The following FBXW10B variants were observed in gnomAD, a reference collection of about 807,000 sequenced individuals.
FBXW10B encodes the protein F-box and WD repeat domain containing protein 10B.
the FBXW10B span, among the ~76,000 whole-genome samples, chr17:15,591,864 T>A: frequency 6.6e-6 from 1 of 152,156 alleles, no homozygotes. Context: ...GCACACACTC[T>A]AGATGTAGAC....
chr17:15,577,885 T>C, the FBXW10B span, among the ~76,000 whole-genome samples: 1 of 151,632 alleles, frequency 6.6e-6, no homozygotes, highest in Non-Finnish European at 1.5e-5. Flanking sequence ...TGGGCAGCCA[T>C]GGCAGCAGCT....
chr17:15,614,292 C>T, the FBXW10B span, among the ~76,000 whole-genome samples: 1 of 152,130 alleles, frequency 6.6e-6, no homozygotes, highest in South Asian at 2.1e-4. Flanking sequence ...GGGTTCACGC[C>T]ATTCTCCTGC....
At chr17:15,579,153 A>G in the FBXW10B span, among the ~76,000 whole-genome samples, 1 of 151,286 alleles carries the variant, frequency 6.6e-6, no homozygotes, top group Admixed American at 6.6e-5. Flanking sequence ...CTTAAAATAA[A>G]TAAATAAATA....
the FBXW10B span, among the ~76,000 whole-genome samples, chr17:15,606,464 T>G: frequency 6.7e-6 from 1 of 149,226 alleles, no homozygotes; most frequent in Non-Finnish European, 1.5e-5. Flanking sequence ...GAGGTGGAGG[T>G]TACAATGAGC....
the FBXW10B span, among the ~76,000 whole-genome samples, chr17:15,566,584 G>A: frequency 1.3e-5 from 2 of 151,244 alleles, no homozygotes; most frequent in South Asian, 2.1e-4. Context: ...TTTTTGAGAC[G>A]GAGTCTCGCT....
At chr17:15,581,510 G>A in the FBXW10B span, among the ~76,000 whole-genome samples, 1 of 151,980 alleles carries the variant, frequency 6.6e-6, no homozygotes, top group African/African-American at 2.4e-5. Flanking sequence ...AGAAGTCTAA[G>A]GATATATCCA....
chr17:15,609,859 T>TTTTC, the FBXW10B span, among the ~76,000 whole-genome samples: 1,283 of 137,272 alleles, frequency 9.3e-3, 10 homozygotes, highest in African/African-American at 0.022. Flanking sequence ...TTTCTTTTTT[T>TTTTC]TTTTTTTTTT....
chr17:15,617,524 C>T, the FBXW10B span, among the ~76,000 whole-genome samples: 1 of 152,202 alleles, frequency 6.6e-6, no homozygotes, highest in African/African-American at 2.4e-5. Context: ...ATGTGACCCC[C>T]AATGCTGGAA....
chr17:15,586,832 A>G, the FBXW10B span, among the ~76,000 whole-genome samples: 1 of 151,714 alleles, frequency 6.6e-6, no homozygotes, highest in Non-Finnish European at 1.5e-5. Flanking sequence ...AAGGGATAGA[A>G]TAGAGATTAG....
At chr17:15,603,333 C>G in the FBXW10B span, among the ~76,000 whole-genome samples, 2 of 152,030 alleles carry the variant, frequency 1.3e-5, no homozygotes, top group Non-Finnish European at 2.9e-5. Flanking sequence ...GCTGGCCCCA[C>G]ACTGCAGATT....
At chr17:15,603,545 T>C in the FBXW10B span, among the ~76,000 whole-genome samples, 565 of 152,250 alleles carry the variant, frequency 3.7e-3, no homozygotes, top group African/African-American at 0.013. Flanking sequence ...ACCCATCAGA[T>C]TGACAAAACT....
At chr17:15,568,801 AC>A in the FBXW10B span, 1 of 1,180,108 alleles carries the variant, frequency 8.5e-7, no homozygotes. Flanking sequence ...CATCCTAGGC[AC>A]TCTTTTTCTG....
the FBXW10B span, among the ~76,000 whole-genome samples, chr17:15,604,159 C>A: frequency 6.6e-6 from 1 of 151,100 alleles, no homozygotes. Context: ...ATACAATCAT[C>A]CAATTTAATA....
At chr17:15,601,341 G>A in the FBXW10B span, among the ~76,000 whole-genome samples, 16 of 148,656 alleles carry the variant, frequency 1.1e-4, no homozygotes, top group African/African-American at 3.2e-4. Flanking sequence ...CCCAGGAGGC[G>A]GAGCTGGCAG....
the FBXW10B span, among the ~76,000 whole-genome samples, chr17:15,615,321 CTT>C: frequency 1.1e-4 from 10 of 88,710 alleles, no homozygotes; most frequent in East Asian, 3.9e-4. Flanking sequence ...TATTGGCTTT[CTT>C]TTTTTTTTTT....
chr17:15,576,636 A>G, the FBXW10B span, among the ~76,000 whole-genome samples: 1 of 152,256 alleles, frequency 6.6e-6, no homozygotes, highest in African/African-American at 2.4e-5. Flanking sequence ...TGACGCTGAC[A>G]GGGAAATAAT....
At chr17:15,569,455 C>CTTTTTTTTTTTTTTTTT in the FBXW10B span, among the ~76,000 whole-genome samples, 4 of 59,194 alleles carry the variant, frequency 6.8e-5, no homozygotes, top group East Asian at 7.0e-4. Context: ...TTTTCTTTTT[C>CTTTTTTTTTTTTTTTTT]TTTTTTTTTT....
At chr17:15,617,025 C>A in the FBXW10B span, among the ~76,000 whole-genome samples, 1 of 152,068 alleles carries the variant, frequency 6.6e-6, no homozygotes, top group South Asian at 2.1e-4. Context: ...TCGTGGTTTT[C>A]AGCCCACGTG....
At chr17:15,571,588 A>G in the FBXW10B span, 1 of 152,260 alleles carries the variant, frequency 6.6e-6, no homozygotes, top group Non-Finnish European at 1.5e-5. Flanking sequence ...GCAGAATGGT[A>G]CAATCAATTC....
Sources: allele counts gnomAD v4.1 joint callset (sites outside exome capture counted in the v4.1 genomes callset), GRCh38; gene constraint gnomAD v4.1.1; transcripts MANE v1.5; gene names NCBI Gene and HGNC (gene_info 2026-07-23, HGNC 2026-07-21).